The following PDE10A variants were observed in gnomAD, a reference collection of about 807,000 sequenced individuals.
The protein encoded by PDE10A is cAMP and cAMP-inhibited cGMP 3',5'-cyclic phosphodiesterase 10A.
A neutral mutation model predicts 97.7 loss-of-function variants in PDE10A; 39 were observed. The ratio of observed to expected loss-of-function variants is 0.40; its 90% CI spans 0.31 to 0.52. The LOEUF (loss-of-function observed/expected upper bound fraction) is 0.52. Among genes scored for constraint, PDE10A ranks in the 20% least tolerant of loss-of-function variants. The pLI is 0.56. For synonymous variants in PDE10A, 371 were observed against 376.8 expected (o/e 0.98, Z 0.18); for missense variants, 731 against 1,047.8 (o/e 0.70, Z 4.17).
At chr6:165,520,864 C>T (rs1051683794) in intron 2 of PDE10A, among the ~76,000 whole-genome samples, 1 of 152,116 alleles carries the variant, frequency 6.6e-6, no homozygotes, top group Non-Finnish European at 1.5e-5. Context: ...GAAAAGGAAG[C>T]TTTCTCTAAA....
intron 1 of PDE10A, among the ~76,000 whole-genome samples, chr6:165,754,560 T>TTCTC (rs1012637941): frequency 5.9e-5 from 9 of 151,750 alleles, no homozygotes; most frequent in Admixed American, 2.0e-4. Flanking sequence ...AACCAAAAGT[T>TTCTC]TCTCTCTATA....
chr6:165,884,488 G>T (rs1434364719), intron 1 of PDE10A, among the ~76,000 whole-genome samples: 1 of 152,188 alleles, frequency 6.6e-6, no homozygotes, highest in Non-Finnish European at 1.5e-5. Context: ...TCGAGTGGCA[G>T]AGTTGAAATC....
intron 5 of PDE10A, among the ~76,000 whole-genome samples, chr6:165,442,363 A>T (rs915277484): frequency 6.6e-6 from 1 of 151,894 alleles, no homozygotes; most frequent in African/African-American, 2.4e-5. Context: ...CTCATTGTTC[A>T]GTTCCCACCT....
chr6:165,586,615 C>A (rs1003261140), intron 1 of PDE10A, among the ~76,000 whole-genome samples: 2 of 152,124 alleles, frequency 1.3e-5, no homozygotes, highest in Admixed American at 6.5e-5. Context: ...ATAGTTTACA[C>A]CCCTGAAGTT....
intron 1 of PDE10A, among the ~76,000 whole-genome samples, chr6:165,659,836 C>T (rs374457390): frequency 6.6e-6 from 1 of 152,188 alleles, no homozygotes; most frequent in Non-Finnish European, 1.5e-5. Flanking sequence ...AGGACTCCAC[C>T]CTCTATCCAG....
chr6:165,675,123 A>G (rs1227916557), intron 1 of PDE10A, among the ~76,000 whole-genome samples: 1 of 152,234 alleles, frequency 6.6e-6, no homozygotes, highest in Non-Finnish European at 1.5e-5. Flanking sequence ...AGTTTTGTCT[A>G]TGCCTATGCC....
chr6:165,754,294 ACTT>A (rs1313873369), intron 1 of PDE10A: 1 of 152,196 alleles, frequency 6.6e-6, no homozygotes, highest in Non-Finnish European at 1.5e-5. Flanking sequence ...GTGGAGCAGA[ACTT>A]CTAATATTTT....
intron 20 of PDE10A, among the ~76,000 whole-genome samples, chr6:165,336,678 A>G (rs1474122427): frequency 4.0e-5 from 6 of 148,394 alleles, no homozygotes; most frequent in Non-Finnish European, 8.9e-5. Context: ...CAACCCGGGA[A>G]GCGGAGCTTG....
chr6:165,704,946 G>A (rs1182799199), intron 1 of PDE10A, among the ~76,000 whole-genome samples: 2 of 152,170 alleles, frequency 1.3e-5, no homozygotes, highest in Non-Finnish European at 2.9e-5. Context: ...GTACCACACT[G>A]CCTTCCACAT....
intron 1 of PDE10A, among the ~76,000 whole-genome samples, chr6:165,547,410 CAA>C (rs1783792970): frequency 5.3e-5 from 8 of 152,076 alleles, no homozygotes; most frequent in Non-Finnish European, 1.2e-4. Flanking sequence ...TTTCGCAGTG[CAA>C]TCTGCAAATG....
At chr6:165,778,518 G>A (rs780766356) in intron 1 of PDE10A, among the ~76,000 whole-genome samples, 3 of 152,026 alleles carry the variant, frequency 2.0e-5, no homozygotes, top group Admixed American at 6.5e-5. Context: ...GGACTTCCCC[G>A]AGCACAGTTC....
intron 18 of PDE10A, among the ~76,000 whole-genome samples, chr6:165,355,941 A>G (rs1782995076): frequency 6.6e-6 from 1 of 152,158 alleles, no homozygotes; most frequent in South Asian, 2.1e-4. Flanking sequence ...TAAAGAAAAG[A>G]GGTTTAATTG....
chr6:165,470,682 G>C (rs951778363), intron 3 of PDE10A, among the ~76,000 whole-genome samples: 1 of 152,106 alleles, frequency 6.6e-6, no homozygotes, highest in Non-Finnish European at 1.5e-5. Flanking sequence ...AAATGATATA[G>C]AAAGAAGAGA....
intron 6 of PDE10A, among the ~76,000 whole-genome samples, chr6:165,433,538 A>G (rs921036393): frequency 2.6e-5 from 4 of 152,216 alleles, no homozygotes; most frequent in African/African-American, 7.2e-5. Context: ...ATTATTTATA[A>G]ACTTTTTTTC....
intron 1 of PDE10A, among the ~76,000 whole-genome samples, chr6:165,548,110 C>A (rs1220701026): frequency 6.8e-6 from 1 of 147,600 alleles, no homozygotes; most frequent in East Asian, 1.9e-4. Flanking sequence ...CACCTACTCT[C>A]CTCTCATATA....
At position 165,880,521 on chromosome 6, in the gene PDE10A, GC is replaced by G. The variant is rs1583226596; in HGVS notation, c.-615+107007del. ...ATGCAGAGAAGTGTCTTCTCATTTT[GC>G]CCTGAACACCTCCAGTTTTTAATGA... is the stretch of plus-strand genomic sequence containing the variant. On this transcript the variant is annotated intron_variant, in intron 1 of 19. Coordinates refer to the PDE10A transcript ENST00000366882. Among the ~76,000 whole-genome samples the G allele has an allele frequency of 2.0e-5, 3 of 152,268 alleles. No homozygotes were observed. The East Asian group carries it at 5.8e-4, about 29-fold the overall frequency.
chr6:165,931,293 CCT>C (rs565621274), intron 1 of PDE10A, among the ~76,000 whole-genome samples: 14 of 152,210 alleles, frequency 9.2e-5, no homozygotes, highest in Non-Finnish European at 1.6e-4. Context: ...TCATGTACCT[CCT>C]CAGTGTCTGT....
chr6:165,509,127 T>C (rs1405247156), intron 2 of PDE10A, among the ~76,000 whole-genome samples: 2 of 152,066 alleles, frequency 1.3e-5, no homozygotes, highest in Non-Finnish European at 2.9e-5. Flanking sequence ...TTATTTTTTA[T>C]TGTTGTCTTT....
chr6:165,841,473 G>A (rs1226297344), intron 1 of PDE10A, among the ~76,000 whole-genome samples: 3 of 152,230 alleles, frequency 2.0e-5, no homozygotes, highest in Admixed American at 6.5e-5. Flanking sequence ...GTCTCCCAGC[G>A]CACACACCAT....
Sources: allele counts gnomAD v4.1 joint callset (sites outside exome capture counted in the v4.1 genomes callset), GRCh38; gene constraint gnomAD v4.1.1; transcripts MANE v1.5; gene names NCBI Gene and HGNC (gene_info 2026-07-23, HGNC 2026-07-21).